DIS3L2: variants seen among roughly 807,000 people sequenced by gnomAD.
The protein encoded by DIS3L2 is DIS3-like exonuclease 2.
DIS3L2 carries 34 observed loss-of-function variants against 97.5 expected under a neutral mutation model. The observed-to-expected ratio is 0.35, with a 90% CI of 0.27 to 0.46. The LOEUF is 0.46. DIS3L2 is among the 20% of genes least tolerant of loss of function. The pLI, the probability that DIS3L2 is intolerant of heterozygous loss-of-function variation, is 1.00. For synonymous variants in DIS3L2, 435 were observed against 445.2 expected, an observed-to-expected ratio of 0.98 and a Z score of 0.29; for missense variants, 1,038 against 1,146.0, an observed-to-expected ratio of 0.91 and a Z score of 1.36.
In DIS3L2 at chr2:232,015,499, G is replaced by C. The variant is rs1399385539; in HGVS notation, c.53-15G>C. The C allele has an allele frequency of 6.2e-7, 1 of 1,609,384 alleles. No individual in the cohort carries two copies. The highest frequency in any genetic ancestry group is 8.5e-7 in the Non-Finnish European group (1 of 1,177,608). On this transcript the variant is annotated splice_polypyrimidine_tract_variant and intron_variant, in intron 2 of 20. Transcript: ENST00000325385. The stretch of plus-strand genomic sequence containing the variant: ...ATGTTTGAGGAAAGAGTTGATTGCT[G>C]CCTCCTGTTTCTAGGTGTGTCTGCT...
At chr2:232,023,102 G>A (rs1187651115) in intron 3 of DIS3L2, 2 of 152,228 alleles carry the variant, frequency 1.3e-5, no homozygotes, top group Admixed American at 6.5e-5. Context: ...CATCTCTGAA[G>A]CCTCTTCTGG....
intron 13 of DIS3L2, among the ~76,000 whole-genome samples, chr2:232,288,817 G>A (rs954394142): frequency 1.3e-5 from 2 of 152,100 alleles, no homozygotes; most frequent in African/African-American, 4.8e-5. Flanking sequence ...ATGTATGTTT[G>A]GCTTATATTT....
At position 232,204,348 on chromosome 2, in the gene DIS3L2, G is replaced by T. The variant is rs1411364648; in HGVS notation, c.1125-5978G>T. On this transcript the variant is annotated intron_variant, in intron 9 of 20. Transcript: ENST00000325385. ...GCTTTTGTTATTTCCTAGGGTTCTT[G>T]GCGAGGTTTTAAGGGATTATAGAAG... 2.6e-5 allele frequency among the ~76,000 whole-genome samples: 4 copies of T among 152,298 alleles called. No individual in the cohort carries two copies. In the East Asian group the frequency reaches 7.7e-4, roughly 29 times the overall value.
At chr2:232,141,639 C>A (rs1403883946) in intron 8 of DIS3L2, among the ~76,000 whole-genome samples, 1 of 151,980 alleles carries the variant, frequency 6.6e-6, no homozygotes, top group African/African-American at 2.4e-5. Context: ...TCCATTGGAG[C>A]AGATGACGGA....
intron 12 of DIS3L2, 55 bp from the exon 13 acceptor site, chr2:232,263,152 A>C (rs1693758057): frequency 2.5e-6 from 4 of 1,574,784 alleles, no homozygotes; most frequent in Admixed American, 3.4e-5. Flanking sequence ...GAAGGAAGAA[A>C]AACCTGAAAA....
intron 6 of DIS3L2, among the ~76,000 whole-genome samples, chr2:232,108,096 C>T (rs1255497307): frequency 6.6e-6 from 1 of 152,112 alleles, no homozygotes; most frequent in Non-Finnish European, 1.5e-5. Context: ...AAACTTCAGG[C>T]CAGTATCCTT....
chr2:232,208,499 C>T lies in DIS3L2; in HGVS notation c.1125-1827C>T, dbSNP rs532163187. Among the ~76,000 whole-genome samples, 3 of 152,198 alleles carry T rather than the reference C, an allele frequency of 2.0e-5. 1 individual carries two copies. The highest frequency in any genetic ancestry group is 2.0e-4 in the Admixed American group (3 of 15,284). On this transcript the variant is annotated intron_variant, in intron 9 of 20. Coordinates refer to ENST00000325385, the MANE Select transcript of DIS3L2 (RefSeq NM_152383.5). The stretch of plus-strand genomic sequence containing the variant: ...CTAATTTTTGTATTTTTAGTAGAAA[C>T]GGGGTTTCACCATGTTGGCCAGTCT...
intron 1 of DIS3L2, among the ~76,000 whole-genome samples, chr2:231,995,093 C>G (rs1321094331): frequency 6.6e-6 from 1 of 152,134 alleles, no homozygotes; most frequent in African/African-American, 2.4e-5. Flanking sequence ...CCTTTCATTA[C>G]TTTATATACA....
chr2:232,284,547 T>C (rs1694376818), intron 13 of DIS3L2, among the ~76,000 whole-genome samples: 1 of 152,240 alleles, frequency 6.6e-6, no homozygotes, highest in Non-Finnish European at 1.5e-5. Flanking sequence ...TTCATTCTTA[T>C]TTTCTCTGCT....
chr2:232,021,463 G>A (rs567524712), intron 3 of DIS3L2, among the ~76,000 whole-genome samples: 1 of 151,122 alleles, frequency 6.6e-6, no homozygotes, highest in South Asian at 2.1e-4. Flanking sequence ...TTTTTTTTGA[G>A]GTAGTGTCAT....
chr2:232,256,732 C>A (rs1693574034), intron 12 of DIS3L2, among the ~76,000 whole-genome samples: 2 of 152,178 alleles, frequency 1.3e-5, no homozygotes, highest in Non-Finnish European at 2.9e-5. Context: ...CTCTGCCTTG[C>A]CGCTACTTAG....
rs562876294 is a variant in DIS3L2, at chr2:232,015,290, T to A, written c.53-224T>A. On this transcript the variant is annotated intron_variant, in intron 2 of 20. Coordinates refer to ENST00000325385, the MANE Select transcript of DIS3L2 (RefSeq NM_152383.5). The stretch of plus-strand genomic sequence containing the variant: ...AACTCATTATTCAGATTATGTTCCA[T>A]GCGTGTTGTTGTGCTGATTTAAAAC... Among the ~76,000 whole-genome samples the A allele has an allele frequency of 2.0e-5, 3 of 152,376 alleles. No homozygotes were observed. In the South Asian group the frequency reaches 6.2e-4, roughly 32 times the overall value.
intron 14 of DIS3L2, among the ~76,000 whole-genome samples, chr2:232,318,141 G>A (rs1264659590): frequency 6.6e-6 from 1 of 152,254 alleles, no homozygotes; most frequent in Non-Finnish European, 1.5e-5. Flanking sequence ...GAGGCCAGAG[G>A]CCAGAGGCCA....
chr2:232,336,119 T>C (rs768222937), intron 20 of DIS3L2: 17 of 1,537,886 alleles, frequency 1.1e-5, no homozygotes, highest in Middle Eastern at 1.7e-4. Flanking sequence ...GTCCCGCTAA[T>C]GCAGGGGTGC....
chr2:232,263,481 C>T (rs545188677), intron 13 of DIS3L2, 41 bp downstream of exon 13: 10 of 1,600,694 alleles, frequency 6.2e-6, no homozygotes, highest in South Asian at 2.2e-5. Flanking sequence ...AGATTTGACT[C>T]GTGCCTGAAC....
intron 14 of DIS3L2, among the ~76,000 whole-genome samples, chr2:232,301,858 T>A (rs77568098): frequency 2.7e-5 from 4 of 145,588 alleles, no homozygotes; most frequent in African/African-American, 5.3e-5. Context: ...TTTTTTTTTT[T>A]AATAGAAACA....
At chr2:232,194,845 G>T (rs535342525) in intron 9 of DIS3L2, among the ~76,000 whole-genome samples, 2 of 152,284 alleles carry the variant, frequency 1.3e-5, no homozygotes, top group South Asian at 4.2e-4. Context: ...TGCATGAGGG[G>T]TCACTTGGGA....
intron 3 of DIS3L2, among the ~76,000 whole-genome samples, chr2:232,017,096 T>C (rs991332251): frequency 6.6e-6 from 1 of 152,140 alleles, no homozygotes; most frequent in African/African-American, 2.4e-5. Context: ...TTATTATTTA[T>C]TTATTTATTT....
intron 13 of DIS3L2, among the ~76,000 whole-genome samples, chr2:232,265,695 AC>A (rs1282891022): frequency 6.6e-6 from 1 of 152,260 alleles, no homozygotes; most frequent in African/African-American, 2.4e-5. Context: ...TTTTGGAAAG[AC>A]CTGGATAAGG....
Sources: allele counts gnomAD v4.1 joint callset (sites outside exome capture counted in the v4.1 genomes callset), GRCh38; gene constraint gnomAD v4.1.1; transcripts MANE v1.5; gene names NCBI Gene and HGNC (gene_info 2026-07-23, HGNC 2026-07-21).